The following CERS4 variants were observed in gnomAD, a reference collection of about 807,000 sequenced individuals.
The protein encoded by CERS4 is LAG1 homolog, ceramide synthase 4.
Under a neutral mutation model 51.8 loss-of-function variants are expected in CERS4, and 65 were observed. That is an observed-to-expected ratio of 1.26 (90% CI 1.03 to 1.54). The LOEUF is 1.54. Ranked by LOEUF, CERS4 falls within the 40% of genes most tolerant of loss-of-function variation. The probability of loss-of-function intolerance (pLI) is 0.00; values close to 1 mark genes in which losing one functional copy is unlikely to be tolerated. For synonymous variants in CERS4, 228 were observed against 208.4 expected (o/e 1.09, Z -0.81); for missense variants, 563 against 500.4 (o/e 1.13, Z -1.19).
intron 2 of CERS4, among the ~76,000 whole-genome samples, chr19:8,234,025 G>A (rs551612774): frequency 1.3e-5 from 2 of 150,920 alleles, no homozygotes; most frequent in African/African-American, 4.9e-5. Context: ...TAAGAGAGTC[G>A]GCTGGGCGTG....
chr19:8,261,741 G>T lies in CERS4; in HGVS notation c.902G>T (p.Gly301Val). 6.2e-7 allele frequency: 1 copy of T among 1,614,110 alleles called. No individual in the cohort carries two copies. Among genetic ancestry groups the T allele is most frequent in the South Asian group, 1.1e-5 (1 of 91,084 alleles). ...ESISNRGPFF[G>V]YYFFNGLLML... Reference sequence around the variant, plus strand: ...ATCAGCAACAGGGGCCCCTTCTTCGGCTACTACTTCTTCAACGGGCTTCTG... The same window carrying T: ...ATCAGCAACAGGGGCCCCTTCTTCGTCTACTACTTCTTCAACGGGCTTCTG... Residue 301 changes from glycine to valine, a missense_variant, in exon 11 of 12, where the codon GGC becomes GTC. Transcript: ENST00000251363.
At chr19:8,234,082 G>A (rs1040619748) in intron 2 of CERS4, among the ~76,000 whole-genome samples, 8 of 151,652 alleles carry the variant, frequency 5.3e-5, no homozygotes, top group Non-Finnish European at 1.2e-4. Context: ...CGAGGCGGGC[G>A]GATCACGAGG....
chr19:8,251,268 G>T lies in CERS4; in HGVS notation c.173+19G>T. On this transcript the variant is annotated intron_variant, in intron 3 of 11. Coordinates refer to ENST00000251363, the MANE Select transcript of CERS4 (RefSeq NM_024552.3). ...TTGAGAGGTGAGTGTCTGCCCTGCC[G>T]CAATCCATTGCCCCCGCAGTCGCTC... is the stretch of plus-strand genomic sequence containing the variant. The T allele has an allele frequency of 6.4e-7, 1 of 1,563,046 alleles. No homozygotes were observed. The highest frequency in any genetic ancestry group is 8.7e-7 in the Non-Finnish European group (1 of 1,155,724).
Position 8,262,371 on chromosome 19 carries a change from T to G in CERS4, c.*262T>G, listed in dbSNP as rs1969754046. 2 of 387,004 alleles carry G rather than the reference T, an allele frequency of 5.2e-6. No homozygotes were observed. The highest frequency in any genetic ancestry group is 2.1e-5 in the African/African-American group (1 of 48,312). 24.0% of individuals were successfully genotyped at this position (387,004 alleles called of 1,614,324 possible). A position where few individuals can be genotyped will look rare whatever the true frequency, so the allele number is the denominator to read the frequency against. On this transcript the variant is annotated 3_prime_UTR_variant, in exon 12 of 12. Transcript: ENST00000251363. ...CACCTCCAGGCTGTGGCCTGGGGGC[T>G]GGGGGGAGCCCCAGGCTGAAAAGGG...
chr19:8,214,715 TG>T (rs78986102), intron 2 of CERS4, among the ~76,000 whole-genome samples: 7,726 of 152,110 alleles, frequency 0.051, 259 homozygotes, highest in East Asian at 0.16. Flanking sequence ...TCACCTGTGC[TG>T]GGGTGCTCGA....
chr19:8,237,002 C>CCA (rs1555775484), intron 2 of CERS4, among the ~76,000 whole-genome samples: 14 of 44,978 alleles, frequency 3.1e-4, no homozygotes, highest in South Asian at 1.7e-3. Context: ...GACTCTGTCT[C>CCA]AAAAAAAAAA....
At chr19:8,250,739 G>A (rs145168396) in intron 2 of CERS4, 36 of 912,736 alleles carry the variant, frequency 3.9e-5, no homozygotes, top group African/African-American at 3.7e-4. Context: ...ACAGGCGTGA[G>A]CAACTGCGCC....
intron 2 of CERS4, among the ~76,000 whole-genome samples, chr19:8,248,975 T>A (rs939765739): frequency 6.7e-6 from 1 of 149,836 alleles, no homozygotes; most frequent in African/African-American, 2.5e-5. Flanking sequence ...GATGTTTTGA[T>A]GAATTAACAG....
intron 2 of CERS4, among the ~76,000 whole-genome samples, chr19:8,228,378 A>T (rs572990018): frequency 1.5e-4 from 23 of 152,290 alleles, no homozygotes; most frequent in African/African-American, 4.8e-4. Flanking sequence ...ATTAAAAAAA[A>T]TTTTTAAATA....
At chr19:8,218,526 G>T (rs1345973171) in intron 2 of CERS4, among the ~76,000 whole-genome samples, 1 of 152,184 alleles carries the variant, frequency 6.6e-6, no homozygotes, top group Non-Finnish European at 1.5e-5. Flanking sequence ...CTGCGGGAGG[G>T]CAGACAGGGA....
In CERS4 at chr19:8,261,974, T is replaced by A. The variant is rs770972582; in HGVS notation, c.1050T>A (p.Ser350Arg). 2 of 1,603,114 alleles carry A rather than the reference T, an allele frequency of 1.2e-6. No homozygotes were observed. Among genetic ancestry groups the A allele is most frequent in the South Asian group, 2.2e-5 (2 of 89,772 alleles). ...IRSDVEESDS[S>R]EEAAAAQEPL... ...GTGATGTAGAAGAATCAGACTCCAG[T>A]GAGGAGGCGGCGGCGGCCCAGGAAC... The change falls in exon 12 of 12, where the codon AGT (serine) becomes AGA (arginine). Residue 350 changes from serine (S) to arginine (R), a missense_variant. Transcript: ENST00000251363.
At chr19:8,244,445 C>G (rs189986417) in intron 2 of CERS4, among the ~76,000 whole-genome samples, 1 of 152,198 alleles carries the variant, frequency 6.6e-6, no homozygotes, top group Non-Finnish European at 1.5e-5. Flanking sequence ...CTTGGACTTA[C>G]TACTGCTGCT....
At chr19:8,244,863 G>C (rs563501588) in intron 2 of CERS4, among the ~76,000 whole-genome samples, 1 of 151,854 alleles carries the variant, frequency 6.6e-6, no homozygotes, top group South Asian at 2.1e-4. Flanking sequence ...TCTTGGCTTT[G>C]GCCAGGCGCG....
chr19:8,257,138 A>G lies in CERS4; in HGVS notation c.741+61A>G, dbSNP rs1263333472. 11 of 1,511,286 alleles carry G rather than the reference A, an allele frequency of 7.3e-6. No homozygotes were observed. The African/African-American group carries it at 8.3e-5, about 11-fold the overall frequency. 93.6% of individuals were successfully genotyped at this position (1,511,286 alleles called of 1,614,324 possible). On this transcript the variant is annotated intron_variant, in intron 9 of 11. Coordinates refer to ENST00000251363, the MANE Select transcript of CERS4 (RefSeq NM_024552.3). ...TGTACCCAGCCCTCCCAGGTGCCCCAGAGATGAGGTCCCATTCCTCCCAAC... is the reference window on the plus strand; with the variant it reads ...TGTACCCAGCCCTCCCAGGTGCCCCGGAGATGAGGTCCCATTCCTCCCAAC...
chr19:8,212,376 G>C (rs1215930013), intron 2 of CERS4, among the ~76,000 whole-genome samples: 1 of 152,094 alleles, frequency 6.6e-6, no homozygotes, highest in East Asian at 1.9e-4. Flanking sequence ...AGCTGCTCAT[G>C]GGGGAGAAGC....
intron 3 of CERS4, among the ~76,000 whole-genome samples, 177 bp from the exon 4 acceptor site, chr19:8,254,322 C>CCAAAAAAA (rs1555779245): frequency 1.8e-4 from 7 of 38,772 alleles, no homozygotes; most frequent in East Asian, 1.2e-3. Context: ...TACTCTGTCT[C>CCAAAAAAA]AAAAAAAAAA....
At chr19:8,232,778 G>A (rs1040015571) in intron 2 of CERS4, among the ~76,000 whole-genome samples, 9 of 149,714 alleles carry the variant, frequency 6.0e-5, no homozygotes, top group Admixed American at 4.7e-4. Context: ...TAGAGTGCTG[G>A]TGGTGTGATC....
intron 2 of CERS4, among the ~76,000 whole-genome samples, chr19:8,249,747 T>TGG (rs1968980930): frequency 6.7e-6 from 1 of 149,848 alleles, no homozygotes; most frequent in Non-Finnish European, 1.5e-5. Flanking sequence ...CACACCACCA[T>TGG]GCCTGGCTAA....
chr19:8,250,778 C>T lies in CERS4; in HGVS notation c.-1-298C>T, dbSNP rs1039991458. On this transcript the variant is annotated intron_variant, in intron 2 of 11. Coordinates refer to ENST00000251363, the MANE Select transcript of CERS4 (RefSeq NM_024552.3). Reference sequence around the variant, plus strand: ...CCTACTACTCTGTTTTACAGATGAACTTGAGGTTCAGAGAGGTCAAGTCAT... The same window carrying T: ...CCTACTACTCTGTTTTACAGATGAATTTGAGGTTCAGAGAGGTCAAGTCAT... 5 of 1,115,844 alleles carry T rather than the reference C, an allele frequency of 4.5e-6. No individual in the cohort carries two copies. The African/African-American group carries it at 8.2e-5, about 18-fold the overall frequency. 69.1% of individuals were successfully genotyped at this position (1,115,844 alleles called of 1,614,324 possible). A position where few individuals can be genotyped will look rare whatever the true frequency, so the allele number is the denominator to read the frequency against.
Sources: gnomAD v4.1 joint callset for allele counts (sites outside exome capture counted in the v4.1 genomes callset) on GRCh38, gnomAD v4.1.1 for gene constraint, MANE v1.5 for transcripts, NCBI Gene and HGNC (gene_info 2026-07-23, HGNC 2026-07-21) for gene names.